NPHS1: variants seen among roughly 807,000 people sequenced by gnomAD.
NPHS1 encodes NPHS1 adhesion molecule, nephrin, also known as nephrin.
A neutral mutation model predicts 139.7 loss-of-function variants in NPHS1; 107 were observed. The ratio of observed to expected loss-of-function variants is 0.77; its 90% CI spans 0.66 to 0.90. NPHS1 has a LOEUF of 0.90. NPHS1 is among the 40% of genes least tolerant of loss of function. The probability of loss-of-function intolerance (pLI) is 0.00; values close to 1 mark genes in which losing one functional copy is unlikely to be tolerated. For missense variants in NPHS1, 1,580 were observed against 1,654.2 expected (o/e 0.96, Z 0.78); for synonymous variants, 707 against 706.6 (o/e 1.00, Z -0.01).
chr19:35,849,025 G>A lies in NPHS1; in HGVS notation c.963C>T (p.Asn321=). The change falls in exon 8 of 29, where the codon AAC becomes AAT. Residue 321 remains asparagine (N), a synonymous_variant. Coordinates refer to ENST00000378910, the MANE Select transcript of NPHS1 (RefSeq NM_004646.4). ...HGAQLSCEAH[N]SVSAGTQEHG... ...GCTCCTGGGTCCCTGCAGACACGCTGTTGTGGGCCTCGCAGCTGAGCTGCG... is the reference window on the plus strand; with the variant it reads ...GCTCCTGGGTCCCTGCAGACACGCTATTGTGGGCCTCGCAGCTGAGCTGCG... 6.2e-7 allele frequency: 1 copy of A among 1,612,304 alleles called. No homozygotes were observed. Among genetic ancestry groups the A allele is most frequent in the Non-Finnish European group, 8.5e-7 (1 of 1,180,036 alleles).
rs755582721 is a variant in NPHS1, at chr19:35,849,092, C to G, written c.896G>C (p.Arg299Pro). The change falls in exon 8 of 29, where the codon CGC becomes CCC. Residue 299 changes from arginine to proline, a missense_variant. Transcript: ENST00000378910. ...CCTCACGGTCATCACCAGCACACTG[C>G]GGGCCACCGCCTGGGTGTGCTCTGT... ...WGTEHTQAVARSVLVMTVRPE... is the reference protein window; with the variant it reads ...WGTEHTQAVAPSVLVMTVRPE... 2.5e-6 allele frequency: 4 copies of G among 1,609,618 alleles called. No individual in the cohort carries two copies. Among genetic ancestry groups the G allele is most frequent in the Non-Finnish European group, 3.4e-6 (4 of 1,180,006 alleles).
At chr19:35,835,498 T>C (rs1430043330) in intron 23 of NPHS1, among the ~76,000 whole-genome samples, 1 of 151,960 alleles carries the variant, frequency 6.6e-6, no homozygotes, top group Non-Finnish European at 1.5e-5. Flanking sequence ...AGTCTTGCTA[T>C]GTTGCCCAAG....
Position 35,843,456 on chromosome 19 carries a change from A to G in NPHS1, c.2334+16T>C. The G allele has an allele frequency of 6.2e-7, 1 of 1,613,632 alleles. No individual in the cohort carries two copies. Among genetic ancestry groups the G allele is most frequent in the South Asian group, 1.1e-5 (1 of 91,054 alleles). Reference sequence around the variant, plus strand: ...CCCTTGACCCCACCTCTATTCACCAAAGGCTGGATCCTCACCAGTCTCTCC... The same window carrying G: ...CCCTTGACCCCACCTCTATTCACCAGAGGCTGGATCCTCACCAGTCTCTCC... On this transcript the variant is annotated intron_variant, in intron 17 of 28. Transcript: ENST00000378910.
Position 35,848,772 on chromosome 19 carries a change from G to C in NPHS1, c.1035C>G (p.Ile345Met). ...QVTFPPSAII[I>M]LGSASQTENK... is the part of the protein sequence containing the mutation. ...TCTCAGTCTGGGATGCAGATCCCAA[G>C]ATAATAATGGCACTAGGGGGAACTG... Residue 345 changes from isoleucine (I) to methionine (M), a missense_variant, in exon 9 of 29, where the codon ATC (isoleucine) becomes ATG (methionine). By Grantham distance (10) the Ile-to-Met change is conservative (BLOSUM62 1). Coordinates refer to ENST00000378910, the MANE Select transcript of NPHS1 (RefSeq NM_004646.4). 2 of 1,614,198 alleles carry C rather than the reference G, an allele frequency of 1.2e-6. No individual in the cohort carries two copies. The highest frequency in any genetic ancestry group is 1.7e-6 in the Non-Finnish European group (2 of 1,180,044).
Position 35,842,443 on chromosome 19 carries a change from G to C in NPHS1, c.2442C>G (p.Tyr814Ter), listed in dbSNP as rs386833913. ...HHAKLAQAGA[Y>*]QCIVDNGVAP... The stretch of plus-strand genomic sequence containing the variant: ...CCACCCCATTGTCCACAATGCACTG[G>C]TAAGCGCCAGCCTGGGCCAGTTTGG... Residue 814 changes from tyrosine to a stop codon, truncating the protein, a stop_gained, in exon 18 of 29, where the codon TAC (tyrosine) becomes TAG (stop). Transcript: ENST00000378910. LOFTEE classifies it high-confidence loss of function. 6.2e-7 allele frequency: 1 copy of C among 1,614,164 alleles called. No individual in the cohort carries two copies. The highest frequency in any genetic ancestry group is 8.5e-7 in the Non-Finnish European group (1 of 1,180,024).
rs866595403 is a variant in NPHS1, at chr19:35,839,251, G to A, written c.3095C>T (p.Pro1032Leu). ...SGLADKGTQL[P>L]ITTPGLHQPS... ...TCCCTTCCCACCTGGGGTAGTGATG[G>A]GAAGCTGGGTCCCTTTGTCAGCCAG... The change falls in exon 22 of 29, where the codon CCC (proline) becomes CTC (leucine). Residue 1032 changes from proline to leucine, a missense_variant. By Grantham distance (98) the Pro-to-Leu change is moderately conservative. Transcript: ENST00000378910. 1 of 1,614,078 alleles carries A rather than the reference G, an allele frequency of 6.2e-7. No individual in the cohort carries two copies. The highest frequency in any genetic ancestry group is 8.5e-7 in the Non-Finnish European group (1 of 1,180,048).
Position 35,850,414 on chromosome 19 carries a change from G to A in NPHS1, c.558C>T (p.Asn186=), listed in dbSNP as rs370625224. ...GTTTCTGCTGGGAGCCCTCGTTCAC[G>A]TTTGCAGAGATGTCAGATATTGTCT... is the stretch of plus-strand genomic sequence containing the variant. ...SGQTISDISA[N]VNEGSQQKLF... The change falls in exon 5 of 29, where the codon AAC becomes AAT. Residue 186 remains asparagine (N), a synonymous_variant. Coordinates refer to ENST00000378910, the MANE Select transcript of NPHS1 (RefSeq NM_004646.4). The A allele has an allele frequency of 9.6e-5, 155 of 1,614,050 alleles. No homozygotes were observed. Among genetic ancestry groups the A allele is most frequent in the Non-Finnish European group, 1.2e-4 (141 of 1,180,026 alleles).
intron 23 of NPHS1, among the ~76,000 whole-genome samples, chr19:35,835,003 G>C (rs1028837953): frequency 6.6e-6 from 1 of 151,546 alleles, no homozygotes; most frequent in African/African-American, 2.4e-5. Flanking sequence ...TTCGAGACCA[G>C]CCTGGCCAAC....
intron 22 of NPHS1, among the ~76,000 whole-genome samples, chr19:35,836,845 A>C (rs569785132): frequency 6.6e-6 from 1 of 151,632 alleles, no homozygotes; most frequent in Non-Finnish European, 1.5e-5. Context: ...AAAATACAAA[A>C]ATTAGCCAGG....
intron 18 of NPHS1, 27 bp from the exon 19 acceptor site, chr19:35,842,307 A>G (rs1973070985): frequency 6.2e-7 from 1 of 1,612,130 alleles, no homozygotes; most frequent in South Asian, 1.1e-5. Flanking sequence ...AGTCAACATG[A>G]GCTATGTGGG....
chr19:35,827,683 C>A (rs562781764), intron 28 of NPHS1, among the ~76,000 whole-genome samples: 12 of 152,260 alleles, frequency 7.9e-5, no homozygotes, highest in African/African-American at 2.9e-4. Flanking sequence ...TTTTGGGAGG[C>A]CAAGGCAGGT....
chr19:35,842,660 G>T, intron 17 of NPHS1, 110 bp from the exon 18 acceptor site: 1 of 1,131,918 alleles, frequency 8.8e-7, no homozygotes, highest in Non-Finnish European at 1.3e-6. Flanking sequence ...ACCCTCCACA[G>T]AGGTATTGAA....
At chr19:35,842,650 A>G in intron 17 of NPHS1, 100 bp from the exon 18 acceptor site, 1 of 1,214,216 alleles carries the variant, frequency 8.2e-7, no homozygotes, top group Non-Finnish European at 1.2e-6. Flanking sequence ...AGCCACAATC[A>G]CCCTCCACAG....
intron 4 of NPHS1, 118 bp from the exon 5 acceptor site, chr19:35,850,563 A>G (rs1973224904): frequency 1.1e-6 from 1 of 881,034 alleles, no homozygotes. Flanking sequence ...GTTCTAGAGG[A>G]AAAGGGCCTG....
intron 5 of NPHS1, 79 bp from the exon 6 acceptor site, chr19:35,849,732 C>A: frequency 1.0e-6 from 1 of 998,300 alleles, no homozygotes; most frequent in South Asian, 1.3e-5. Context: ...GTGGGGATGT[C>A]ACCTCTGGTC....
rs749341977 is a variant in NPHS1 at position 35,849,274 on chromosome 19, G to A, written c.802C>T (p.Arg268Ter). 1.7e-5 allele frequency: 27 copies of A among 1,613,176 alleles called. No individual in the cohort carries two copies. The highest frequency in any genetic ancestry group is 1.7e-4 in the Middle Eastern group (1 of 5,864). The change falls in exon 7 of 29, where the codon CGA becomes TGA. Residue 268 changes from arginine to a stop codon, truncating the protein, a stop_gained. Coordinates refer to ENST00000378910, the MANE Select transcript of NPHS1 (RefSeq NM_004646.4). LOFTEE classifies it high-confidence loss of function. ...GQSLELPCVA[R>*]GGNPLATLQW... The stretch of plus-strand genomic sequence containing the variant: ...AGTGTGGCTAAGGGATTACCCCCTC[G>A]GGCCACGCACGGCAGCTCCAAGCTC...
intron 28 of NPHS1, among the ~76,000 whole-genome samples, chr19:35,828,249 T>A (rs1401657750): frequency 2.0e-5 from 3 of 151,936 alleles, no homozygotes; most frequent in Admixed American, 1.3e-4. Context: ...CTAAGAATGG[T>A]TTTTATTTTT....
intron 22 of NPHS1, among the ~76,000 whole-genome samples, chr19:35,838,536 G>A (rs752244879): frequency 6.7e-6 from 1 of 149,818 alleles, no homozygotes; most frequent in Non-Finnish European, 1.5e-5. Flanking sequence ...CTGGGTGGCA[G>A]AGTGAGACTC....
intron 20 of NPHS1, among the ~76,000 whole-genome samples, chr19:35,841,276 G>A (rs1330829879): frequency 6.6e-6 from 1 of 152,052 alleles, no homozygotes; most frequent in African/African-American, 2.4e-5. Context: ...GGGAGGCTGA[G>A]ATGAGAGAAT....
Sources: allele counts gnomAD v4.1 joint callset (sites outside exome capture counted in the v4.1 genomes callset), GRCh38; gene constraint gnomAD v4.1.1; transcripts MANE v1.5; gene names NCBI Gene and HGNC (gene_info 2026-07-23, HGNC 2026-07-21).